The following ATP11B variants were observed in gnomAD, a reference collection of about 807,000 sequenced individuals.
ATP11B encodes phospholipid-transporting ATPase IF.
Under a neutral mutation model 157.8 loss-of-function variants are expected in ATP11B, and 81 were observed. That is an observed-to-expected ratio of 0.51 (90% CI 0.43 to 0.62). The LOEUF is 0.62. Among genes scored for constraint, ATP11B ranks in the 20% least tolerant of loss-of-function variants. ATP11B has a pLI of 0.00. For missense variants in ATP11B, 1,165 were observed against 1,402.2 expected (o/e 0.83, Z 2.70); for synonymous variants, 451 against 469.4 (o/e 0.96, Z 0.51).
intron 1 of ATP11B, among the ~76,000 whole-genome samples, chr3:182,813,583 C>T (rs1176987922): frequency 6.6e-6 from 1 of 151,988 alleles, no homozygotes. Flanking sequence ...TCTAGGAACA[C>T]CAGAATAAAA....
chr3:182,854,769 AC>A (rs1720247843), intron 10 of ATP11B, among the ~76,000 whole-genome samples: 1 of 24,170 alleles, frequency 4.1e-5, no homozygotes, highest in Non-Finnish European at 2.4e-4. Flanking sequence ...ACACACACAC[AC>A]ACACACACAC....
chr3:182,836,281 T>C (rs1718546004), intron 5 of ATP11B, 61 bp from the exon 6 acceptor site: 1 of 1,603,228 alleles, frequency 6.2e-7, no homozygotes. Flanking sequence ...TAGAGCCCAA[T>C]AAAAGTAAGT....
At position 182,831,186 on chromosome 3, in the gene ATP11B, C is replaced by T. The variant is rs554514098; in HGVS notation, c.315+1434C>T. On this transcript the variant is annotated intron_variant, in intron 4 of 29. Transcript: ENST00000323116. ...AACATGACTCGATTTTTTTCCCCCT[C>T]AAAAACTATACTACTAGTTCTTGTT... is the stretch of plus-strand genomic sequence containing the variant. Among the ~76,000 whole-genome samples the T allele has an allele frequency of 9.3e-4, 142 of 152,254 alleles. 2 individuals are homozygous for T. The highest frequency in any genetic ancestry group is 3.1e-3 in the African/African-American group (130 of 41,558).
At chr3:182,895,796 A>T (rs891401276) in intron 25 of ATP11B, among the ~76,000 whole-genome samples, 3 of 152,194 alleles carry the variant, frequency 2.0e-5, no homozygotes, top group Non-Finnish European at 4.4e-5. Context: ...GCTGCCTGGC[A>T]GGATATTGAT....
At position 182,894,795 on chromosome 3, in the gene ATP11B, C is replaced by T. The variant is rs568740458; in HGVS notation, c.2983-1905C>T. Among the ~76,000 whole-genome samples the T allele has an allele frequency of 1.2e-4, 19 of 152,064 alleles. No individual in the cohort carries two copies. In the South Asian group the frequency reaches 3.1e-3, roughly 25 times the overall value. ...CTGAAGGATGGACATGTCCTTACCA[C>T]TTCCAGGCCCAGGTCCCCGGTTGCA... On this transcript the variant is annotated intron_variant, in intron 25 of 29. Coordinates refer to ENST00000323116, the MANE Select transcript of ATP11B (RefSeq NM_014616.3).
At chr3:182,819,440 A>G (rs1433393492) in intron 1 of ATP11B, among the ~76,000 whole-genome samples, 1 of 152,170 alleles carries the variant, frequency 6.6e-6, no homozygotes, top group Non-Finnish European at 1.5e-5. Flanking sequence ...GTTCACTTGC[A>G]ACTGTGGAAG....
chr3:182,880,296 G>C (rs1485643761), intron 20 of ATP11B, among the ~76,000 whole-genome samples: 1 of 151,982 alleles, frequency 6.6e-6, no homozygotes, highest in African/African-American at 2.4e-5. Context: ...CTAAGTTTTT[G>C]GGCTTCCTGG....
chr3:182,881,173 C>T (rs1185736410), intron 21 of ATP11B, among the ~76,000 whole-genome samples, 192 bp downstream of exon 21: 2 of 152,046 alleles, frequency 1.3e-5, no homozygotes, highest in East Asian at 3.9e-4. Context: ...TGGTGGCTCA[C>T]GCCTGTAATC....
chr3:182,873,662 G>A, intron 18 of ATP11B, 150 bp from the exon 19 acceptor site: 1 of 649,826 alleles, frequency 1.5e-6, no homozygotes, highest in Non-Finnish European at 2.6e-6. Flanking sequence ...CCTAATGAGA[G>A]AAAATTCCAG....
intron 13 of ATP11B, 110 bp from the exon 14 acceptor site, chr3:182,866,158 C>T: frequency 2.6e-6 from 2 of 764,380 alleles, no homozygotes; most frequent in Non-Finnish European, 3.9e-6. Flanking sequence ...GTTATTCAGG[C>T]AATCAAGGTT....
At chr3:182,836,926 C>T (rs1053850313) in intron 6 of ATP11B, 145 bp from the exon 7 acceptor site, 1 of 625,022 alleles carries the variant, frequency 1.6e-6, no homozygotes, top group African/African-American at 1.9e-5. Context: ...GTTTATTTTA[C>T]ATGTTTCTTT....
intron 1 of ATP11B, among the ~76,000 whole-genome samples, chr3:182,800,029 G>A (rs529012728): frequency 6.6e-6 from 1 of 152,074 alleles, no homozygotes; most frequent in South Asian, 2.1e-4. Flanking sequence ...AGTATTGCTT[G>A]AACACAGGAG....
intron 28 of ATP11B, among the ~76,000 whole-genome samples, chr3:182,908,847 T>C (rs1724567889): frequency 6.6e-6 from 1 of 152,220 alleles, no homozygotes; most frequent in Admixed American, 6.5e-5. Flanking sequence ...AAGAAAAACA[T>C]TTCCTTAAAC....
intron 4 of ATP11B, among the ~76,000 whole-genome samples, chr3:182,833,485 C>T (rs998611414): frequency 6.6e-6 from 1 of 152,144 alleles, no homozygotes; most frequent in East Asian, 1.9e-4. Context: ...GCCACCACAC[C>T]CAGCTAATTT....
At chr3:182,890,101 G>A (rs927674723) in intron 25 of ATP11B, among the ~76,000 whole-genome samples, 2 of 152,154 alleles carry the variant, frequency 1.3e-5, no homozygotes, top group African/African-American at 4.8e-5. Context: ...CCACTTTTCC[G>A]AAGCATGAAA....
rs1229901937 is a variant in ATP11B at position 182,869,122 on chromosome 3, G to A, written c.1733G>A (p.Arg578Lys). Residue 578 changes from arginine (R) to lysine (K), a missense_variant, in exon 16 of 30, where the codon AGA becomes AAA. Physicochemically the swap from Arg to Lys is conservative, Grantham distance 26 (BLOSUM62 2). Transcript: ENST00000323116. Reference protein sequence around the residue: ...HILEFDSDRRRMSVIVQAPSG... With the variant: ...HILEFDSDRRKMSVIVQAPSG... ...CTGGAATTTGATTCAGATCGTAGGAGAATGAGTGTAATTGTTCAGGCACCT... is the reference window on the plus strand; with the variant it reads ...CTGGAATTTGATTCAGATCGTAGGAAAATGAGTGTAATTGTTCAGGCACCT... The A allele has an allele frequency of 3.7e-6, 6 of 1,611,634 alleles. No homozygotes were observed. In the African/African-American group the frequency reaches 5.3e-5, roughly 14 times the overall value.
At chr3:182,894,162 T>C (rs985273871) in intron 25 of ATP11B, among the ~76,000 whole-genome samples, 7 of 152,252 alleles carry the variant, frequency 4.6e-5, no homozygotes, top group African/African-American at 1.7e-4. Flanking sequence ...TCTTCTGCAG[T>C]GCAGAAGCTT....
chr3:182,841,248 A>G (rs1438471523), intron 7 of ATP11B, among the ~76,000 whole-genome samples: 2 of 152,174 alleles, frequency 1.3e-5, no homozygotes, highest in Non-Finnish European at 2.9e-5. Context: ...TTCATAATAC[A>G]TAATATTTTC....
At chr3:182,917,465 CG>C (rs1725213446) in intron 29 of ATP11B, 1 of 985,228 alleles carries the variant, frequency 1.0e-6, no homozygotes, top group South Asian at 4.7e-5. Flanking sequence ...AGTAGAGGAT[CG>C]TTTGTCCTTA....
Sources: allele counts gnomAD v4.1 joint callset (sites outside exome capture counted in the v4.1 genomes callset), GRCh38; gene constraint gnomAD v4.1.1; transcripts MANE v1.5; gene names NCBI Gene and HGNC (gene_info 2026-07-23, HGNC 2026-07-21).